Variants in RIT1 observed in about 807,000 individuals in gnomAD.
The protein encoded by RIT1 is Ras like without CAAX 1.
A neutral mutation model predicts 25.6 loss-of-function variants in RIT1; 6 were observed. The observed-to-expected ratio is 0.23, with a 90% CI of 0.13 to 0.46. RIT1 has a LOEUF of 0.46. Ranked by LOEUF, RIT1 falls within the 20% of genes least tolerant of loss-of-function variation. RIT1 has a pLI of 0.99. For missense variants in RIT1, 219 were observed against 284.4 expected, an observed-to-expected ratio of 0.77 and a Z score of 1.65; for synonymous variants, 81 against 94.1, an observed-to-expected ratio of 0.86 and a Z score of 0.80.
intron 3 of RIT1, among the ~76,000 whole-genome samples, chr1:155,906,723 G>A (rs1170454221): frequency 1.4e-5 from 2 of 142,564 alleles, no homozygotes; most frequent in African/African-American, 5.3e-5. Context: ...TTGTGCCACT[G>A]GACTCTAGCC....
intron 3 of RIT1, among the ~76,000 whole-genome samples, chr1:155,908,237 C>T (rs1051954933): frequency 6.6e-6 from 1 of 151,964 alleles, no homozygotes; most frequent in Admixed American, 6.6e-5. Flanking sequence ...AGACAGATCA[C>T]GAGGTCAGGA....
chr1:155,906,620 A>G (rs1304707650), intron 3 of RIT1, among the ~76,000 whole-genome samples: 3 of 151,466 alleles, frequency 2.0e-5, no homozygotes, highest in African/African-American at 4.9e-5. Context: ...AATTATCTGG[A>G]TGTGGTCACA....
chr1:155,903,484 A>T (rs1415022321), intron 5 of RIT1, among the ~76,000 whole-genome samples: 1 of 150,988 alleles, frequency 6.6e-6, no homozygotes, highest in East Asian at 1.9e-4. Context: ...AGAAAGAAAC[A>T]CAAAGGGAGG....
At chr1:155,905,522 A>G (rs552089940) in intron 3 of RIT1, among the ~76,000 whole-genome samples, 1 of 152,126 alleles carries the variant, frequency 6.6e-6, no homozygotes, top group African/African-American at 2.4e-5. Flanking sequence ...CTTAGGGGAA[A>G]AAAAAAATTA....
intron 3 of RIT1, among the ~76,000 whole-genome samples, chr1:155,909,194 T>C (rs549176174): frequency 6.6e-6 from 1 of 151,756 alleles, no homozygotes; most frequent in South Asian, 2.1e-4. Flanking sequence ...GCTAACACGG[T>C]GAAATCCCAT....
intron 3 of RIT1, among the ~76,000 whole-genome samples, chr1:155,905,200 C>CTTTTTT (rs920443067): frequency 6.8e-6 from 1 of 146,018 alleles, no homozygotes; most frequent in African/African-American, 2.5e-5. Context: ...AACAGCTCAT[C>CTTTTTT]TTTTTTTTTT....
At chr1:155,902,921 G>A (rs1459883975) in intron 5 of RIT1, among the ~76,000 whole-genome samples, 2 of 151,482 alleles carry the variant, frequency 1.3e-5, no homozygotes, top group African/African-American at 4.9e-5. Context: ...CCAGCACTTT[G>A]GGAGGCCGAG....
At chr1:155,910,284 A>G (rs1448018730) in intron 3 of RIT1, 166 bp downstream of exon 3, 2 of 620,666 alleles carry the variant, frequency 3.2e-6, no homozygotes, top group Non-Finnish European at 5.7e-6. Flanking sequence ...AGTCTGAAAA[A>G]AAAAGAAATA....
At chr1:155,901,067 G>C (rs771487379) in intron 5 of RIT1, among the ~76,000 whole-genome samples, 1 of 152,140 alleles carries the variant, frequency 6.6e-6, no homozygotes, top group African/African-American at 2.4e-5. Context: ...TGCCCACCTC[G>C]GCCTCCCAAA....
chr1:155,910,700 TC>T lies in RIT1; in HGVS notation c.61del (p.Glu21SerfsTer4), dbSNP rs747459574. 6.2e-7 allele frequency: 1 copy of T among 1,614,252 alleles called. No homozygotes were observed. The highest frequency in any genetic ancestry group is 8.5e-7 in the Non-Finnish European group (1 of 1,180,044). On this transcript the variant is annotated frameshift_variant, in exon 2 of 6. Transcript: ENST00000368323. LOFTEE classifies it high-confidence loss of function. ...CCSSPAGLSR[E>X]YKLVMLGAGG... ...AGCACCCAGCATCACTAGTTTGTACTCCCGTGAGAGCCCAGCGGGGCTGCTA... is the reference window on the plus strand; with the variant it reads ...AGCACCCAGCATCACTAGTTTGTACTCCGTGAGAGCCCAGCGGGGCTGCTA...
intron 5 of RIT1, among the ~76,000 whole-genome samples, chr1:155,904,062 A>C (rs1370960449): frequency 6.6e-6 from 1 of 152,164 alleles, no homozygotes; most frequent in East Asian, 1.9e-4. Context: ...CACTATGCCC[A>C]GCTATGTTTT....
Position 155,900,221 on chromosome 1 carries a change from C to A in RIT1, c.*167G>T. The A allele has an allele frequency of 1.7e-6, 1 of 598,836 alleles. No homozygotes were observed. The highest frequency in any genetic ancestry group is 3.0e-6 in the Non-Finnish European group (1 of 337,844). The allele number at this position is 598,836 out of a possible 1,614,324, so 37.1% of individuals were successfully genotyped here. ...TGCTCCACTGGGTTAATAAATCATA[C>A]TTAACTAAGAGACAATACTTTAAAT... On this transcript the variant is annotated 3_prime_UTR_variant, in exon 6 of 6. Coordinates refer to ENST00000368323, the MANE Select transcript of RIT1 (RefSeq NM_006912.6).
chr1:155,906,762 CAAAAA>C (rs59899087), intron 3 of RIT1, among the ~76,000 whole-genome samples: 138 of 24,920 alleles, frequency 5.5e-3, no homozygotes, highest in African/African-American at 0.013. Context: ...TTCTCCGTCT[CAAAAA>C]AAAAAAAAAA....
At position 155,900,304 on chromosome 1, in the gene RIT1, C is replaced by G; in HGVS notation, c.*84G>C. 3.2e-6 allele frequency: 3 copies of G among 928,268 alleles called. No individual in the cohort carries two copies. The highest frequency in any genetic ancestry group is 5.1e-6 in the Non-Finnish European group (3 of 589,904). The allele number at this position is 928,268 out of a possible 1,614,324, so 57.5% of individuals were successfully genotyped here. ...CCCTCTTATCAGTTAAGTGAAAGAGCAAGCACCATACTCAGTACTGCAGGT... is the reference window on the plus strand; with the variant it reads ...CCCTCTTATCAGTTAAGTGAAAGAGGAAGCACCATACTCAGTACTGCAGGT... On this transcript the variant is annotated 3_prime_UTR_variant, in exon 6 of 6. Coordinates refer to ENST00000368323, the MANE Select transcript of RIT1 (RefSeq NM_006912.6).
At position 155,898,138 on chromosome 1, in the gene RIT1, TAC is replaced by T. The variant is rs986633996; in HGVS notation, c.*2248_*2249del. On this transcript the variant is annotated 3_prime_UTR_variant, in exon 6 of 6. Transcript: ENST00000368323. Reference sequence around the variant, plus strand: ...GATTACTTAGAGCTTATAAATTAGCTACACTTTATGACACTAAGAATAGAGCT... The same window carrying T: ...GATTACTTAGAGCTTATAAATTAGCTACTTTATGACACTAAGAATAGAGCT... The T allele has an allele frequency of 7.9e-5, 12 of 152,272 alleles. No homozygotes were observed. Among genetic ancestry groups the T allele is most frequent in the African/African-American group, 2.9e-4 (12 of 41,418 alleles). 9.4% of individuals were successfully genotyped at this position (152,272 alleles called of 1,614,324 possible).
chr1:155,904,229 C>T (rs1038004319), intron 5 of RIT1, 82 bp downstream of exon 5: 4 of 1,138,126 alleles, frequency 3.5e-6, no homozygotes, highest in African/African-American at 3.1e-5. Flanking sequence ...AATCTGTAAG[C>T]CAAGCCAAGA....
chr1:155,906,253 C>T lies in RIT1; in HGVS notation c.164-1449G>A, dbSNP rs929859833. Reference sequence around the variant, plus strand: ...AAAACTAAAAAGAAAAAAAAAGCCACGCAATATTTCATTCACTTAACAACT... The same window carrying T: ...AAAACTAAAAAGAAAAAAAAAGCCATGCAATATTTCATTCACTTAACAACT... On this transcript the variant is annotated intron_variant, in intron 3 of 5. Coordinates refer to ENST00000368323, the MANE Select transcript of RIT1 (RefSeq NM_006912.6). Among the ~76,000 whole-genome samples the T allele has an allele frequency of 3.3e-5, 5 of 152,166 alleles. No individual in the cohort carries two copies. In the East Asian group the frequency reaches 7.7e-4, roughly 24 times the overall value.
intron 1 of RIT1, 34 bp from the exon 2 acceptor site, chr1:155,910,838 T>A: frequency 6.2e-7 from 1 of 1,611,610 alleles, no homozygotes; most frequent in South Asian, 1.1e-5. Flanking sequence ...TAATCCAGGA[T>A]GGAGACACCA....
chr1:155,905,266 G>A (rs955066085), intron 3 of RIT1, among the ~76,000 whole-genome samples: 5 of 151,444 alleles, frequency 3.3e-5, no homozygotes, highest in African/African-American at 4.9e-5. Flanking sequence ...GTGCAATTTC[G>A]GTTCACTGTA....
Sources: allele counts gnomAD v4.1 joint callset (sites outside exome capture counted in the v4.1 genomes callset), GRCh38; gene constraint gnomAD v4.1.1; transcripts MANE v1.5; gene names NCBI Gene and HGNC (gene_info 2026-07-23, HGNC 2026-07-21).